LRRC4C: variants seen among roughly 807,000 people sequenced by gnomAD.
LRRC4C encodes leucine-rich repeat-containing protein 4C.
In LRRC4C, 5 loss-of-function variants were observed where a neutral mutation model predicts 33.6. The ratio of observed to expected loss-of-function variants is 0.15; its 90% CI spans 0.08 to 0.31. The LOEUF is 0.31. LRRC4C is among the 10% of genes least tolerant of loss of function. The pLI, the probability that LRRC4C is intolerant of heterozygous loss-of-function variation, is 1.00. For synonymous variants in LRRC4C, 329 were observed against 302.0 expected (o/e 1.09, Z -0.93); for missense variants, 560 against 796.7 (o/e 0.70, Z 3.58).
intron 2 of LRRC4C, among the ~76,000 whole-genome samples, chr11:40,700,229 G>T (rs567567587): frequency 6.6e-6 from 1 of 152,042 alleles, no homozygotes. Context: ...ATGTTATTTT[G>T]TTTAAACGTG....
chr11:40,429,227 C>A (rs1950823077), intron 3 of LRRC4C, among the ~76,000 whole-genome samples: 1 of 152,178 alleles, frequency 6.6e-6, no homozygotes, highest in African/African-American at 2.4e-5. Flanking sequence ...GCATCTGCCA[C>A]CATGCCCAGC....
intron 5 of LRRC4C, among the ~76,000 whole-genome samples, chr11:40,186,799 C>A (rs1207730083): frequency 1.3e-5 from 2 of 152,186 alleles, no homozygotes; most frequent in Non-Finnish European, 2.9e-5. Flanking sequence ...TCTGCAGTTA[C>A]CGGCTCAATA....
intron 5 of LRRC4C, among the ~76,000 whole-genome samples, chr11:40,182,464 T>C (rs574603023): frequency 6.6e-6 from 1 of 152,348 alleles, no homozygotes; most frequent in African/African-American, 2.4e-5. Context: ...AGCATAAGGC[T>C]TAGTGCCTTA....
chr11:40,489,545 G>A (rs987211033), intron 3 of LRRC4C, among the ~76,000 whole-genome samples: 54 of 151,938 alleles, frequency 3.6e-4, no homozygotes, highest in African/African-American at 1.2e-3. Context: ...TATCCTTGAG[G>A]GCAGAAATTT....
intron 1 of LRRC4C, among the ~76,000 whole-genome samples, chr11:41,217,605 T>C (rs575109387): frequency 1.3e-4 from 20 of 152,320 alleles, no homozygotes; most frequent in African/African-American, 4.8e-4. Context: ...GAACATGTAC[T>C]ATGACTTAGC....
At chr11:40,893,239 G>A (rs1309186518) in intron 2 of LRRC4C, among the ~76,000 whole-genome samples, 1 of 152,034 alleles carries the variant, frequency 6.6e-6, no homozygotes, top group Non-Finnish European at 1.5e-5. Flanking sequence ...AAGTGTGGGT[G>A]TGGGTGTGGA....
intron 2 of LRRC4C, among the ~76,000 whole-genome samples, chr11:40,889,892 AGT>A (rs1245669948): frequency 6.6e-6 from 1 of 152,160 alleles, no homozygotes; most frequent in East Asian, 1.9e-4. Flanking sequence ...AAATGAATGT[AGT>A]GTTTGCACAT....
chr11:40,764,876 G>C (rs1949380144), intron 2 of LRRC4C, among the ~76,000 whole-genome samples: 1 of 152,186 alleles, frequency 6.6e-6, no homozygotes, highest in Admixed American at 6.5e-5. Flanking sequence ...CAGCATTACT[G>C]GTCTTGGGGT....
intron 3 of LRRC4C, among the ~76,000 whole-genome samples, chr11:40,584,860 A>T: frequency 6.6e-6 from 1 of 151,032 alleles, no homozygotes; most frequent in Non-Finnish European, 1.5e-5. Context: ...TGAACCTGGG[A>T]GGCGGAGGTT....
At chr11:41,046,610 T>A (rs2138059486) in intron 1 of LRRC4C, among the ~76,000 whole-genome samples, 1 of 152,318 alleles carries the variant, frequency 6.6e-6, no homozygotes, top group South Asian at 2.1e-4. Flanking sequence ...TTTCTAATTT[T>A]GTTTCAACAA....
intron 1 of LRRC4C, among the ~76,000 whole-genome samples, chr11:41,092,317 C>T (rs1226973948): frequency 1.3e-5 from 2 of 152,054 alleles, no homozygotes; most frequent in Non-Finnish European, 1.5e-5. Flanking sequence ...AGTAAGCTTT[C>T]CACACCAAAT....
chr11:40,250,793 C>A, intron 4 of LRRC4C, among the ~76,000 whole-genome samples: 1 of 152,026 alleles, frequency 6.6e-6, no homozygotes, highest in East Asian at 1.9e-4. Flanking sequence ...TTTAACTTAA[C>A]AAAAGTCATC....
intron 2 of LRRC4C, among the ~76,000 whole-genome samples, chr11:40,825,428 G>A (rs1001030176): frequency 6.6e-6 from 1 of 151,834 alleles, no homozygotes. Flanking sequence ...CTCTCTCCCT[G>A]TCAAATTACA....
intron 3 of LRRC4C, among the ~76,000 whole-genome samples, chr11:40,488,754 C>G (rs2138489132): frequency 6.6e-6 from 1 of 152,190 alleles, no homozygotes; most frequent in African/African-American, 2.4e-5. Context: ...CTGTGCTTCC[C>G]TTTTTCTGTG....
At chr11:40,912,026 C>T (rs1230514121) in intron 2 of LRRC4C, among the ~76,000 whole-genome samples, 1 of 152,170 alleles carries the variant, frequency 6.6e-6, no homozygotes, top group Non-Finnish European at 1.5e-5. Context: ...AACAAACCCT[C>T]CAAGAAATAT....
At chr11:40,743,230 C>CA (rs1446271516) in intron 2 of LRRC4C, among the ~76,000 whole-genome samples, 21 of 152,136 alleles carry the variant, frequency 1.4e-4, no homozygotes, top group African/African-American at 3.9e-4. Flanking sequence ...TTAATGAATG[C>CA]AAAGGACCAG....
chr11:41,381,626 C>CA (rs71931237), intron 1 of LRRC4C, among the ~76,000 whole-genome samples: 67,902 of 132,886 alleles, frequency 0.51, 16,153 homozygotes, highest in Middle Eastern at 0.68. Flanking sequence ...GACTCTGCTT[C>CA]AAAAAAAAAA....
rs562012125 is a variant in LRRC4C at position 41,285,561 on chromosome 11, G to A, written c.-496+173870C>T. On this transcript the variant is annotated intron_variant, in intron 1 of 6. Coordinates refer to ENST00000528697, the MANE Select transcript of LRRC4C (RefSeq NM_001258419.2). ...ACACTTTAGTAATCATAATAAAATA[G>A]CATGTCCAAGGTTCAGAGACTGGAA... Among the ~76,000 whole-genome samples, 107 of 152,196 alleles carry A rather than the reference G, an allele frequency of 7.0e-4. 1 individual carries two copies. Among genetic ancestry groups the A allele is most frequent in the Non-Finnish European group, 2.9e-4 (20 of 68,020 alleles).
intron 3 of LRRC4C, among the ~76,000 whole-genome samples, chr11:40,439,440 A>G (rs1334156317): frequency 6.6e-6 from 1 of 151,442 alleles, no homozygotes; most frequent in Non-Finnish European, 1.5e-5. Flanking sequence ...CTCTTGAATA[A>G]ATTAATCCAT....
Sources: gnomAD v4.1 joint callset for allele counts (sites outside exome capture counted in the v4.1 genomes callset) on GRCh38, gnomAD v4.1.1 for gene constraint, MANE v1.5 for transcripts, NCBI Gene and HGNC (gene_info 2026-07-23, HGNC 2026-07-21) for gene names.